FRMD4B: variants seen among roughly 807,000 people sequenced by gnomAD.
FRMD4B encodes FERM domain containing 4B.
A neutral mutation model predicts 141.5 loss-of-function variants in FRMD4B; 74 were observed. The observed-to-expected ratio is 0.52, with a 90% CI of 0.43 to 0.63. The LOEUF is 0.63. Among genes scored for constraint, FRMD4B ranks in the 30% least tolerant of loss-of-function variants. The pLI, the probability that FRMD4B is intolerant of heterozygous loss-of-function variation, is 0.00. For missense variants in FRMD4B, 1,366 were observed against 1,253.4 expected (o/e 1.09, Z -1.36); for synonymous variants, 506 against 467.9 (o/e 1.08, Z -1.05).
chr3:69,520,028 CATCATATATATATATTCCATCCAT>C (rs1559552161), intron 1 of FRMD4B, among the ~76,000 whole-genome samples: 3,319 of 77,890 alleles, frequency 0.043, 466 homozygotes, highest in African/African-American at 0.17. Context: ...ATATATATTC[CATCATATATATATATTCCATCCAT>C]ATATATATAT....
chr3:69,212,962 T>A (rs1210342432), intron 11 of FRMD4B, among the ~76,000 whole-genome samples: 2 of 151,700 alleles, frequency 1.3e-5, no homozygotes. Context: ...TAGGGTAAGG[T>A]ATTTGTTTGA....
chr3:69,371,098 G>GA (rs1459915686), intron 1 of FRMD4B, among the ~76,000 whole-genome samples: 3 of 149,848 alleles, frequency 2.0e-5, no homozygotes, highest in Non-Finnish European at 4.4e-5. Flanking sequence ...AGCAGGCTAA[G>GA]ACATGGTTGG....
At chr3:69,439,178 G>A (rs1461456718) in intron 1 of FRMD4B, among the ~76,000 whole-genome samples, 1 of 152,006 alleles carries the variant, frequency 6.6e-6, no homozygotes, top group Non-Finnish European at 1.5e-5. Flanking sequence ...GGTTTTTTGC[G>A]ATCTAGATTA....
rs1706498950 is a variant in FRMD4B at position 69,501,605 on chromosome 3, C to T, written c.-129+40601G>A. 3.3e-5 allele frequency among the ~76,000 whole-genome samples: 5 copies of T among 152,164 alleles called. No homozygotes were observed. In the South Asian group the frequency reaches 1.0e-3, roughly 32 times the overall value. ...AATGGGCAAAAACTGGAAGCATTCC[C>T]TTTGACAACTGGCACAAGACAGGGA... On this transcript the variant is annotated intron_variant, in intron 1 of 5. Coordinates refer to the FRMD4B transcript ENST00000459638.
intron 1 of FRMD4B, among the ~76,000 whole-genome samples, chr3:69,499,017 A>G (rs1187614994): frequency 6.6e-6 from 1 of 152,238 alleles, no homozygotes; most frequent in African/African-American, 2.4e-5. Flanking sequence ...GTGGCACATT[A>G]GAAAGGATAC....
At chr3:69,500,908 G>A (rs1406451706) in intron 1 of FRMD4B, among the ~76,000 whole-genome samples, 3 of 152,174 alleles carry the variant, frequency 2.0e-5, no homozygotes, top group Non-Finnish European at 2.9e-5. Flanking sequence ...CCACATGACA[G>A]CATTAGCATT....
rs553789414 is a variant in FRMD4B at position 69,456,755 on chromosome 3, A to G, written c.-128-23994T>C. Among the ~76,000 whole-genome samples the G allele has an allele frequency of 6.0e-5, 9 of 151,016 alleles. No individual in the cohort carries two copies. In the East Asian group the frequency reaches 1.7e-3, roughly 29 times the overall value. ...TTGTAAAAAAAAAAAAAAAAAGCAT[A>G]TGTCTGTACATTATTAGTGCTTTCC... On this transcript the variant is annotated intron_variant, in intron 1 of 5. Coordinates refer to the FRMD4B transcript ENST00000459638.
intron 1 of FRMD4B, among the ~76,000 whole-genome samples, chr3:69,462,262 T>C (rs963201761): frequency 1.3e-5 from 2 of 152,198 alleles, no homozygotes; most frequent in African/African-American, 4.8e-5. Flanking sequence ...TGCCTCAGAA[T>C]GTTCCCATGG....
chr3:69,223,999 T>C (rs1234161564), intron 8 of FRMD4B, among the ~76,000 whole-genome samples: 4 of 152,214 alleles, frequency 2.6e-5, no homozygotes, highest in Non-Finnish European at 5.9e-5. Flanking sequence ...TTGTAATCTT[T>C]ATTTTGTAAC....
chr3:69,265,602 C>T (rs1575672712), intron 5 of FRMD4B, among the ~76,000 whole-genome samples: 1 of 151,256 alleles, frequency 6.6e-6, no homozygotes, highest in Non-Finnish European at 1.5e-5. Flanking sequence ...CGCCCACCAC[C>T]AAGCCCGGCT....
chr3:69,385,739 G>T (rs1704235031), intron 1 of FRMD4B, 89 bp downstream of exon 1: 1 of 1,148,416 alleles, frequency 8.7e-7, no homozygotes, highest in Non-Finnish European at 1.2e-6. Flanking sequence ...AGAAGAGCTG[G>T]GGGGAATAAA....
chr3:69,279,066 G>A (rs1271894527), intron 5 of FRMD4B, among the ~76,000 whole-genome samples: 2 of 151,738 alleles, frequency 1.3e-5, no homozygotes, highest in Non-Finnish European at 2.9e-5. Context: ...AAAGGATAAG[G>A]GTAATAAATA....
chr3:69,317,762 A>AG, intron 1 of FRMD4B, among the ~76,000 whole-genome samples: 1 of 150,856 alleles, frequency 6.6e-6, no homozygotes, highest in East Asian at 1.9e-4. Flanking sequence ...CTCAAAAAAA[A>AG]AAAAAAAAAA....
chr3:69,517,398 T>A (rs1700779880), intron 1 of FRMD4B, among the ~76,000 whole-genome samples: 1 of 151,950 alleles, frequency 6.6e-6, no homozygotes, highest in African/African-American at 2.4e-5. Flanking sequence ...ACCAGTCACA[T>A]AAATAGACAT....
rs200224295 is a variant in FRMD4B at position 69,181,684 on chromosome 3, C to T, written c.2066G>A (p.Arg689His). The change falls in exon 21 of 23, where the codon CGC (arginine) becomes CAC (histidine). Residue 689 changes from arginine to histidine, a missense_variant. Physicochemically the swap from Arg to His is conservative, Grantham distance 29 (BLOSUM62 0). Transcript: ENST00000398540. The stretch of plus-strand genomic sequence containing the variant: ...GGACTCCAGGCTTCCACTCCGCTGG[C>T]GGCAGTGCTGAGATGAAGATTCGGG... ...LEPESSSQHC[R>H]QRSGSLESQS... 8.1e-6 allele frequency: 13 copies of T among 1,612,628 alleles called. No homozygotes were observed. Among genetic ancestry groups the T allele is most frequent in the African/African-American group, 5.3e-5 (4 of 74,936 alleles).
chr3:69,444,445 C>T (rs1435097502), intron 1 of FRMD4B, among the ~76,000 whole-genome samples: 2 of 152,092 alleles, frequency 1.3e-5, no homozygotes, highest in African/African-American at 4.8e-5. Context: ...AAAATCCACA[C>T]ATTTGGTATC....
chr3:69,330,897 G>A (rs1000089834), intron 1 of FRMD4B, among the ~76,000 whole-genome samples: 12 of 152,130 alleles, frequency 7.9e-5, no homozygotes, highest in African/African-American at 2.7e-4. Flanking sequence ...TTAAAGCACC[G>A]GTGGAAGATG....
At chr3:69,411,443 C>T (rs977762269) in intron 2 of FRMD4B, among the ~76,000 whole-genome samples, 1 of 152,072 alleles carries the variant, frequency 6.6e-6, no homozygotes, top group African/African-American at 2.4e-5. Flanking sequence ...CAATTTAAAC[C>T]TGGGATAGAG....
intron 1 of FRMD4B, among the ~76,000 whole-genome samples, chr3:69,337,491 A>G (rs1009033227): frequency 6.6e-6 from 1 of 152,246 alleles, no homozygotes; most frequent in African/African-American, 2.4e-5. Context: ...CTTCACAGCA[A>G]AAGAAACTAC....
Sources: allele counts gnomAD v4.1 joint callset (sites outside exome capture counted in the v4.1 genomes callset), GRCh38; gene constraint gnomAD v4.1.1; transcripts MANE v1.5; gene names NCBI Gene and HGNC (gene_info 2026-07-23, HGNC 2026-07-21).